Variants in MORC2 observed in about 807,000 individuals in gnomAD.
MORC2 encodes MORC family CW-type zinc finger 2.
In MORC2, 30 loss-of-function variants were observed where a neutral mutation model predicts 136.0. The ratio of observed to expected loss-of-function variants is 0.22; its 90% CI spans 0.17 to 0.30. The LOEUF is 0.30. MORC2 is among the 10% of genes least tolerant of loss of function. The pLI is 1.00. For missense variants in MORC2, 922 were observed against 1,333.1 expected (o/e 0.69, Z 4.80); for synonymous variants, 439 against 487.0 (o/e 0.90, Z 1.30).
intron 12 of MORC2, 34 bp from the exon 13 acceptor site, chr22:30,938,239 C>T: frequency 6.2e-7 from 1 of 1,611,380 alleles, no homozygotes; most frequent in Non-Finnish European, 8.5e-7. Context: ...CAGATCTACA[C>T]ATCGGCACAC....
intron 1 of MORC2, among the ~76,000 whole-genome samples, chr22:30,965,140 T>C (rs1044580337): frequency 6.6e-6 from 1 of 152,230 alleles, no homozygotes; most frequent in African/African-American, 2.4e-5. Flanking sequence ...TGCACCACAC[T>C]GATTTCCACA....
chr22:30,948,093 T>C (rs1174787446), intron 5 of MORC2, among the ~76,000 whole-genome samples: 1 of 152,246 alleles, frequency 6.6e-6, no homozygotes, highest in Admixed American at 6.5e-5. Flanking sequence ...GCTAACCACT[T>C]TCAGAGTCAC....
chr22:30,951,732 C>T (rs2040889415), intron 3 of MORC2, among the ~76,000 whole-genome samples: 1 of 152,172 alleles, frequency 6.6e-6, no homozygotes. Context: ...GCTCTTTGTC[C>T]TTTCTTCAGG....
intron 1 of MORC2, among the ~76,000 whole-genome samples, chr22:30,960,866 TTTTG>T (rs1188938794): frequency 1.3e-5 from 2 of 151,312 alleles, no homozygotes; most frequent in South Asian, 2.1e-4. Context: ...GTTGTTGTTA[TTTTG>T]TTTTTTTGTT....
Position 30,935,329 on chromosome 22 carries a change from G to A in MORC2, c.1738-7C>T. ...AGCGGATGGGTGTGGTTTTCTGCAAGGCAAACATCATGATGAAGTTGTTTG... is the reference window on the plus strand; with the variant it reads ...AGCGGATGGGTGTGGTTTTCTGCAAAGCAAACATCATGATGAAGTTGTTTG... On this transcript the variant is annotated splice_polypyrimidine_tract_variant and splice_region_variant and intron_variant, in intron 17 of 25. Coordinates refer to ENST00000397641, the MANE Select transcript of MORC2 (RefSeq NM_001303256.3). 1 of 1,612,980 alleles carries A rather than the reference G, an allele frequency of 6.2e-7. No homozygotes were observed.
chr22:30,959,365 G>C (rs2041010984), intron 1 of MORC2, among the ~76,000 whole-genome samples: 1 of 152,180 alleles, frequency 6.6e-6, no homozygotes, highest in Non-Finnish European at 1.5e-5. Context: ...TTCTTTAATG[G>C]AGGGAAAGTT....
Position 30,933,479 on chromosome 22 carries a change from CTT to C in MORC2, c.2365_2366del (p.Lys789GlufsTer6). 1 of 1,613,970 alleles carries C rather than the reference CTT, an allele frequency of 6.2e-7. No homozygotes were observed. On this transcript the variant is annotated frameshift_variant, in exon 21 of 26. Transcript: ENST00000397641. LOFTEE classifies it high-confidence loss of function. ...SAGEEDSADL[K>X]RAQKDKGLHV... ...CCCCCAGCTCACCTTTCTGAGCTCT[CTT>C]GAGGTCAGCCGAGTCCTCTTCCCCA...
intron 24 of MORC2, among the ~76,000 whole-genome samples, chr22:30,930,363 A>G (rs774891204): frequency 1.3e-5 from 2 of 152,188 alleles, no homozygotes; most frequent in Non-Finnish European, 2.9e-5. Context: ...CCTGCAGCCT[A>G]AACAAGGACA....
intron 2 of MORC2, among the ~76,000 whole-genome samples, chr22:30,958,416 T>A (rs2040996624): frequency 6.6e-6 from 1 of 152,202 alleles, no homozygotes; most frequent in South Asian, 2.1e-4. Flanking sequence ...CTCACTATTT[T>A]TAGGCTAGAA....
Position 30,949,825 on chromosome 22 carries a change from T to C in MORC2, c.244A>G (p.Ile82Val), listed in dbSNP as rs1286183996. 6.2e-7 allele frequency: 1 copy of C among 1,614,162 alleles called. No homozygotes were observed. The highest frequency in any genetic ancestry group is 1.7e-5 in the Admixed American group (1 of 60,008). The change falls in exon 5 of 26, where the codon ATC (isoleucine) becomes GTC (valine). Residue 82 changes from isoleucine to valine, a missense_variant. Coordinates refer to ENST00000397641, the MANE Select transcript of MORC2 (RefSeq NM_001303256.3). ...GMDPSDAASVIQFGKSAKRTP... is the reference protein window; with the variant it reads ...GMDPSDAASVVQFGKSAKRTP... ...CGCTTGGCCGACTTCCCAAACTGGA[T>C]CACACTGGCAGCATCACCTGAAAGG...
At chr22:30,926,917 TG>T in intron 25 of MORC2, 46 bp from the exon 26 acceptor site, 2 of 1,539,188 alleles carry the variant, frequency 1.3e-6, no homozygotes, top group Non-Finnish European at 9.0e-7. Context: ...AGAAAGTGAT[TG>T]GGGGGCTCAC....
Position 30,954,773 on chromosome 22 carries a change from C to A in MORC2, c.157+1990G>T, listed in dbSNP as rs1321755698. On this transcript the variant is annotated intron_variant, in intron 3 of 25. Transcript: ENST00000397641. ...AAAACGTCTTCCAAGTAGACTTGAC[C>A]ATTACGATTTGTACCTTCAACATCA... is the stretch of plus-strand genomic sequence containing the variant. Among the ~76,000 whole-genome samples, 3 of 152,146 alleles carry A rather than the reference C, an allele frequency of 2.0e-5. No individual in the cohort carries two copies. The South Asian group carries it at 6.2e-4, about 32-fold the overall frequency.
chr22:30,937,560 G>A lies in MORC2; in HGVS notation c.1498+23C>T. The A allele has an allele frequency of 6.2e-7, 1 of 1,610,348 alleles. No individual in the cohort carries two copies. Among genetic ancestry groups the A allele is most frequent in the East Asian group, 2.2e-5 (1 of 44,862 alleles). On this transcript the variant is annotated intron_variant, in intron 15 of 25. Transcript: ENST00000397641. This position sits in a 1 kb window ranked among gnomAD's most constrained non-coding sequence, Gnocchi z 4.7. ...TTGTGGGCTGATGGAAATGAGTCGG[G>A]GGGGTCCAACCACCCAACTCACCGC...
intron 3 of MORC2, among the ~76,000 whole-genome samples, chr22:30,951,097 G>A (rs2040880137): frequency 6.6e-6 from 1 of 152,218 alleles, no homozygotes; most frequent in African/African-American, 2.4e-5. Flanking sequence ...GAAGGCACAT[G>A]GTACAACGTG....
chr22:30,966,147 T>A lies in MORC2; in HGVS notation c.68+1675A>T, dbSNP rs563151327. ...TGAAGCAATTAACTGTTGTTACTAT[T>A]ATTATCCCATAAAGTCTTTGGTGAA... On this transcript the variant is annotated intron_variant, in intron 1 of 25. Transcript: ENST00000397641. Among the ~76,000 whole-genome samples, 12 of 152,362 alleles carry A rather than the reference T, an allele frequency of 7.9e-5. No homozygotes were observed. The South Asian group carries it at 2.5e-3, about 32-fold the overall frequency.
intron 25 of MORC2, among the ~76,000 whole-genome samples, chr22:30,927,234 G>A (rs1024075690): frequency 6.6e-6 from 1 of 151,982 alleles, no homozygotes; most frequent in Non-Finnish European, 1.5e-5. Context: ...GGAGGCTCTG[G>A]TTCTAACTTT....
Position 30,936,660 on chromosome 22 carries a change from C to T in MORC2, c.1605-17G>A. 6.2e-7 allele frequency: 1 copy of T among 1,610,766 alleles called. No individual in the cohort carries two copies. Among genetic ancestry groups the T allele is most frequent in the Middle Eastern group, 1.7e-4 (1 of 6,038 alleles). ...GCCTCACACCTGTAGAGACAAGGTA[C>T]TACAGAGGTCGTGGCAAACAGAGCG... is the stretch of plus-strand genomic sequence containing the variant. On this transcript the variant is annotated splice_polypyrimidine_tract_variant and intron_variant, in intron 16 of 25. Transcript: ENST00000397641.
chr22:30,941,544 C>A lies in MORC2; in HGVS notation c.713G>T (p.Arg238Leu), dbSNP rs367766290. The A allele has an allele frequency of 8.1e-6, 13 of 1,613,272 alleles. No individual in the cohort carries two copies. The highest frequency in any genetic ancestry group is 1.1e-5 in the South Asian group (1 of 91,072). The change falls in exon 9 of 26, where the codon CGC becomes CTC. Residue 238 changes from arginine (R) to leucine (L), a missense_variant. Arg to Leu is a moderately radical substitution (Grantham distance 102). This residue lies in a region of MORC2 where 261 missense variants were observed against 354.3 expected (regional missense o/e 0.74). Coordinates refer to ENST00000397641, the MANE Select transcript of MORC2 (RefSeq NM_001303256.3). This position sits in a 1 kb window ranked among gnomAD's most constrained non-coding sequence, Gnocchi z 4.6. The stretch of plus-strand genomic sequence containing the variant: ...CACAGCGGCATAGGCACGGAACGAG[C>A]GCCGCTCTGGCTTCCTGGAGAGGGC... ...TSPEGTKPER[R>L]SFRAYAAVLY... is the part of the protein sequence containing the mutation.
chr22:30,928,686 C>G (rs1354374560), intron 24 of MORC2, among the ~76,000 whole-genome samples: 2 of 152,162 alleles, frequency 1.3e-5, no homozygotes, highest in Non-Finnish European at 2.9e-5. Flanking sequence ...GTATATACTT[C>G]TACAGCATCA....
Sources: gnomAD v4.1 joint callset for allele counts (sites outside exome capture counted in the v4.1 genomes callset) on GRCh38, gnomAD v4.1.1 for gene constraint, gnomAD v4.1.1 regional missense constraint, Gnocchi (gnomAD v3.1) non-coding constraint, MANE v1.5 for transcripts, NCBI Gene and HGNC (gene_info 2026-07-23, HGNC 2026-07-21) for gene names.